The following BNC2 variants were observed in gnomAD, a reference collection of about 807,000 sequenced individuals.
The protein encoded by BNC2 is basonuclin zinc finger protein 2.
A neutral mutation model predicts 76.3 loss-of-function variants in BNC2; 20 were observed. The ratio of observed to expected loss-of-function variants is 0.26; its 90% CI spans 0.18 to 0.38. The LOEUF is 0.38. BNC2 is among the 10% of genes least tolerant of loss of function. The pLI is 1.00. For missense variants in BNC2, 1,382 were observed against 1,399.8 expected, an observed-to-expected ratio of 0.99 and a Z score of 0.20; for synonymous variants, 582 against 514.8, an observed-to-expected ratio of 1.13 and a Z score of -1.77.
chr9:16,623,380 G>A (rs759638154), intron 3 of BNC2, among the ~76,000 whole-genome samples: 2 of 152,066 alleles, frequency 1.3e-5, no homozygotes, highest in East Asian at 3.9e-4. Flanking sequence ...AATAAATGAC[G>A]TTATATTCTA....
intron 3 of BNC2, among the ~76,000 whole-genome samples, chr9:16,634,749 C>T (rs566729943): frequency 1.6e-4 from 25 of 152,248 alleles, no homozygotes; most frequent in African/African-American, 5.8e-4. Flanking sequence ...GATCTACCCG[C>T]CTCAGCCTCC....
chr9:16,748,332 G>A (rs550567107), intron 1 of BNC2, among the ~76,000 whole-genome samples: 1 of 152,012 alleles, frequency 6.6e-6, no homozygotes, highest in Non-Finnish European at 1.5e-5. Context: ...TGGGCAATAT[G>A]GCAAAACCCA....
intron 5 of BNC2, among the ~76,000 whole-genome samples, chr9:16,502,329 CAG>C: frequency 6.6e-6 from 1 of 152,270 alleles, no homozygotes; most frequent in Middle Eastern, 3.4e-3. Context: ...GCCTGGGCGA[CAG>C]AGCAAGACTC....
At chr9:16,560,359 GT>G (rs1213743846) in intron 4 of BNC2, among the ~76,000 whole-genome samples, 1 of 152,324 alleles carries the variant, frequency 6.6e-6, no homozygotes, top group East Asian at 1.9e-4. Context: ...GCAAAGACCT[GT>G]GGAAAGCTTA....
chr9:16,617,554 T>C (rs1820745518), intron 3 of BNC2, among the ~76,000 whole-genome samples: 2 of 148,952 alleles, frequency 1.3e-5, no homozygotes, highest in South Asian at 4.2e-4. Context: ...ACCACGATTA[T>C]CTATAGGAGC....
At position 16,416,209 on chromosome 9, in the gene BNC2, G is replaced by T. The variant is rs1467356543; in HGVS notation, c.*2780C>A. 6.6e-6 allele frequency: 1 copy of T among 152,298 alleles called. No homozygotes were observed. The highest frequency in any genetic ancestry group is 2.4e-5 in the African/African-American group (1 of 41,456). The allele number at this position is 152,298 out of a possible 1,614,324, so 9.4% of individuals were successfully genotyped here. A position where few individuals can be genotyped will look rare whatever the true frequency, so the allele number is the denominator to read the frequency against. On this transcript the variant is annotated 3_prime_UTR_variant, in exon 7 of 7. Transcript: ENST00000380672. ...ATGAGTTCTAGTAACTCAACTGAGT[G>T]TAACTTTTCAAAGTTGCTGAAATAA...
chr9:16,776,588 G>A (rs534934450), intron 1 of BNC2, among the ~76,000 whole-genome samples: 1 of 152,256 alleles, frequency 6.6e-6, no homozygotes, highest in East Asian at 1.9e-4. Context: ...TCCCAATTTA[G>A]AGCAACAGCC....
intron 3 of BNC2, among the ~76,000 whole-genome samples, chr9:16,641,020 T>C (rs1208842620): frequency 6.6e-6 from 1 of 152,102 alleles, no homozygotes; most frequent in Non-Finnish European, 1.5e-5. Flanking sequence ...ATATAGGAAA[T>C]TGGACCCTCA....
At chr9:16,558,334 T>C (rs1818902736) in intron 4 of BNC2, among the ~76,000 whole-genome samples, 1 of 152,212 alleles carries the variant, frequency 6.6e-6, no homozygotes, top group Non-Finnish European at 1.5e-5. Flanking sequence ...AATTTGTACC[T>C]AATGAATATG....
intron 5 of BNC2, among the ~76,000 whole-genome samples, chr9:16,439,584 G>A (rs768715074): frequency 6.6e-6 from 1 of 152,164 alleles, no homozygotes; most frequent in Non-Finnish European, 1.5e-5. Context: ...AGAGGCATAA[G>A]GGATCTGTAC....
chr9:16,769,842 C>T (rs768580959), intron 1 of BNC2, among the ~76,000 whole-genome samples: 1 of 152,112 alleles, frequency 6.6e-6, no homozygotes, highest in Non-Finnish European at 1.5e-5. Flanking sequence ...AGCTTGCAAA[C>T]GTGAGAAAAC....
chr9:16,629,939 C>CTGTG (rs1821112593), intron 3 of BNC2, among the ~76,000 whole-genome samples: 1 of 152,156 alleles, frequency 6.6e-6, no homozygotes, highest in Admixed American at 6.5e-5. Flanking sequence ...CGGTTTGCCG[C>CTGTG]ATCAATTGAC....
chr9:16,728,452 G>C (rs1824414446), intron 2 of BNC2, among the ~76,000 whole-genome samples: 1 of 152,042 alleles, frequency 6.6e-6, no homozygotes, highest in Non-Finnish European at 1.5e-5. Context: ...CCTTCCCCGG[G>C]AATTTTTCTC....
intron 3 of BNC2, among the ~76,000 whole-genome samples, chr9:16,611,372 G>A (rs1280355483): frequency 6.6e-6 from 1 of 152,050 alleles, no homozygotes. Context: ...GAATTATCTG[G>A]AAAACGGCTG....
At chr9:16,841,972 T>G (rs10733323) in intron 1 of BNC2, among the ~76,000 whole-genome samples, 149,051 of 152,214 alleles carry the variant, frequency 0.98, 73,061 homozygotes, top group Middle Eastern at 1. Flanking sequence ...ACCACGTCCA[T>G]CTAATTTTCT....
chr9:16,766,642 A>AC (rs1459450852), intron 1 of BNC2, among the ~76,000 whole-genome samples: 2 of 152,236 alleles, frequency 1.3e-5, no homozygotes, highest in Admixed American at 1.3e-4. Flanking sequence ...ATTAACTCAT[A>AC]CCTTGGTCTT....
At chr9:16,744,997 C>G (rs7035178) in intron 1 of BNC2, among the ~76,000 whole-genome samples, 130,950 of 152,240 alleles carry the variant, frequency 0.86, 56,726 homozygotes, top group Non-Finnish European at 0.91. Flanking sequence ...TTGCCAAGTG[C>G]TTAAGTGTCA....
intron 1 of BNC2, among the ~76,000 whole-genome samples, chr9:16,849,259 G>C (rs986338264): frequency 2.6e-5 from 4 of 151,030 alleles, no homozygotes; most frequent in African/African-American, 9.7e-5. Context: ...ATTTTCTAGA[G>C]TCTGACTTCA....
At chr9:16,435,159 T>C (rs1009799441) in intron 6 of BNC2, 4 of 426,734 alleles carry the variant, frequency 9.4e-6, no homozygotes, top group African/African-American at 6.3e-5. Context: ...AAAAGCCACA[T>C]GGCAAAGCAG....
Sources: gnomAD v4.1 joint callset for allele counts (sites outside exome capture counted in the v4.1 genomes callset) on GRCh38, gnomAD v4.1.1 for gene constraint, MANE v1.5 for transcripts, NCBI Gene and HGNC (gene_info 2026-07-23, HGNC 2026-07-21) for gene names.